The following FBXO3 variants were observed in gnomAD, a reference collection of about 807,000 sequenced individuals.
FBXO3 encodes the protein F-box protein 3, also known as F-box only protein 3.
FBXO3 carries 17 observed loss-of-function variants against 64.8 expected under a neutral mutation model. The ratio of observed to expected loss-of-function variants is 0.26; its 90% CI spans 0.18 to 0.39. The LOEUF (loss-of-function observed/expected upper bound fraction) is 0.39, where lower values mean the gene tolerates loss of function less well. FBXO3 is among the 10% of genes least tolerant of loss of function. The pLI is 1.00. For synonymous variants in FBXO3, 182 were observed against 201.6 expected, an observed-to-expected ratio of 0.90 and a Z score of 0.82; for missense variants, 420 against 589.9, an observed-to-expected ratio of 0.71 and a Z score of 2.98.
chr11:33,750,410 C>T, intron 8 of FBXO3, 129 bp downstream of exon 8: 2 of 1,028,980 alleles, frequency 1.9e-6, no homozygotes, highest in South Asian at 1.7e-5. Context: ...AATGTATCCA[C>T]CTTCCTCCAA....
chr11:33,748,947 G>T, intron 8 of FBXO3, 55 bp from the exon 9 acceptor site: 1 of 1,215,456 alleles, frequency 8.2e-7, no homozygotes, highest in Non-Finnish European at 1.2e-6. Flanking sequence ...TGTTTCTTTG[G>T]TTTAAGAGAT....
chr11:33,771,691 T>A (rs1457328764), intron 1 of FBXO3: 1 of 152,238 alleles, frequency 6.6e-6, no homozygotes, highest in African/African-American at 2.4e-5. Flanking sequence ...AAACCATCTA[T>A]AGTAAACAAA....
At chr11:33,771,845 T>G (rs989374759) in intron 1 of FBXO3, 1 of 152,222 alleles carries the variant, frequency 6.6e-6, no homozygotes, top group Non-Finnish European at 1.5e-5. Flanking sequence ...TCTTCTTGAT[T>G]CCTGTCCCTC....
At chr11:33,749,492 C>CTGGGG (rs1854899794) in intron 8 of FBXO3, among the ~76,000 whole-genome samples, 1 of 151,916 alleles carries the variant, frequency 6.6e-6, no homozygotes, top group Non-Finnish European at 1.5e-5. Context: ...CCTCTAGTAG[C>CTGGGG]TGGGGACTAC....
At chr11:33,757,611 G>T (rs1855134951) in intron 4 of FBXO3, among the ~76,000 whole-genome samples, 1 of 124,526 alleles carries the variant, frequency 8.0e-6, no homozygotes, top group South Asian at 2.8e-4. Flanking sequence ...TTGAGCCCAG[G>T]AGTTAAATAC....
intron 5 of FBXO3, 92 bp downstream of exon 5, chr11:33,755,679 C>A: frequency 1.1e-6 from 1 of 905,256 alleles, no homozygotes; most frequent in South Asian, 1.4e-5. Context: ...TATTCTATAC[C>A]CATTCTACAA....
At chr11:33,758,638 C>A in intron 3 of FBXO3, 37 bp from the exon 4 acceptor site, 1 of 1,451,106 alleles carries the variant, frequency 6.9e-7, no homozygotes, top group Non-Finnish European at 9.5e-7. Flanking sequence ...TGTGAAGAAA[C>A]AGCCTTAAAT....
chr11:33,754,333 A>T, intron 6 of FBXO3, 122 bp downstream of exon 6: 1 of 736,816 alleles, frequency 1.4e-6, no homozygotes, highest in Non-Finnish European at 2.2e-6. Context: ...AGCAAACCTT[A>T]AAGAAATCCA....
chr11:33,758,204 T>C (rs1297182290), intron 4 of FBXO3, among the ~76,000 whole-genome samples: 1 of 152,184 alleles, frequency 6.6e-6, no homozygotes, highest in Non-Finnish European at 1.5e-5. Context: ...GGTTAAAATA[T>C]ATCGCACATA....
At chr11:33,758,268 C>G (rs1006451370) in intron 4 of FBXO3, among the ~76,000 whole-genome samples, 1 of 152,008 alleles carries the variant, frequency 6.6e-6, no homozygotes. Flanking sequence ...TTTAACTATA[C>G]AAATATATTG....
rs1222032779 is a variant in FBXO3, at chr11:33,748,773, A to T, written c.1048+4T>A. ...TGTATAAACCTAAATCTTGGGTTCCATACCAACTACTCCAGGTCCTTGAAC... is the reference window on the plus strand; with the variant it reads ...TGTATAAACCTAAATCTTGGGTTCCTTACCAACTACTCCAGGTCCTTGAAC... On this transcript the variant is annotated splice_donor_region_variant and intron_variant, in intron 9 of 10. Coordinates refer to ENST00000265651, the MANE Select transcript of FBXO3 (RefSeq NM_012175.4). 5 of 1,599,258 alleles carry T rather than the reference A, an allele frequency of 3.1e-6. No individual in the cohort carries two copies. The highest frequency in any genetic ancestry group is 4.3e-6 in the Non-Finnish European group (5 of 1,167,158).
chr11:33,755,406 A>C (rs986672018), intron 5 of FBXO3, among the ~76,000 whole-genome samples: 1 of 152,224 alleles, frequency 6.6e-6, no homozygotes, highest in African/African-American at 2.4e-5. Flanking sequence ...CAAAGTTTTA[A>C]AAGTTTCTAT....
chr11:33,774,418 A>G lies in FBXO3; in HGVS notation c.80T>C (p.Phe27Ser). 1.2e-6 allele frequency: 2 copies of G among 1,606,200 alleles called. No individual in the cohort carries two copies. The highest frequency in any genetic ancestry group is 1.7e-6 in the Non-Finnish European group (2 of 1,176,466). The change falls in exon 1 of 11, where the codon TTT (phenylalanine) becomes TCT (serine). Residue 27 changes from phenylalanine (F) to serine (S), a missense_variant. Around this residue, in one of 3 missense-constraint regions of FBXO3, gnomAD observed 337 missense variants for 518.4 expected, o/e 0.65. Transcript: ENST00000265651. ...PTDPLLLILS[F>S]LDYRDLINCC... ...CTTGATTAGATCCCGATAGTCCAAA[A>G]AGGATAAGATGAGGAGCAGGGGATC...
chr11:33,762,760 C>T (rs1029330286), intron 3 of FBXO3, among the ~76,000 whole-genome samples: 6 of 148,584 alleles, frequency 4.0e-5, no homozygotes, highest in East Asian at 1.9e-4. Context: ...AAATTCAAAG[C>T]GAAGACATCA....
At chr11:33,771,356 G>A (rs1855506064) in intron 1 of FBXO3, 1 of 152,236 alleles carries the variant, frequency 6.6e-6, no homozygotes, top group Admixed American at 6.5e-5. Flanking sequence ...CACCTATAGA[G>A]GGTGCCTGAA....
chr11:33,743,461 C>G lies in FBXO3; in HGVS notation c.1240-1377G>C, dbSNP rs539529356. On this transcript the variant is annotated intron_variant, in intron 10 of 10. Coordinates refer to ENST00000265651, the MANE Select transcript of FBXO3 (RefSeq NM_012175.4). The surrounding 1 kb of genome is among the most constrained non-coding windows in gnomAD (Gnocchi z 4.6). ...AGGGGCTGCTACATTGAACAGAATT[C>G]TGAACAGCAAGGACCTACTTGGTAT... 8 of 152,338 alleles carry G rather than the reference C, an allele frequency of 5.3e-5. No homozygotes were observed. The highest frequency in any genetic ancestry group is 8.8e-5 in the Non-Finnish European group (6 of 68,036). 9.4% of individuals were successfully genotyped at this position (152,338 alleles called of 1,614,324 possible). A position where few individuals can be genotyped will look rare whatever the true frequency, so the allele number is the denominator to read the frequency against.
At chr11:33,756,672 A>T (rs958161710) in intron 4 of FBXO3, among the ~76,000 whole-genome samples, 1 of 152,220 alleles carries the variant, frequency 6.6e-6, no homozygotes, top group Admixed American at 6.5e-5. Flanking sequence ...TTCAATAGGA[A>T]AAAATAGCCA....
intron 10 of FBXO3, 26 bp from the exon 11 acceptor site, chr11:33,742,110 T>A (rs749031942): frequency 2.0e-6 from 3 of 1,511,816 alleles, no homozygotes; most frequent in Admixed American, 2.2e-5. Flanking sequence ...AATCTTTTGA[T>A]AAGAAGAGCA....
intron 3 of FBXO3, among the ~76,000 whole-genome samples, chr11:33,761,745 C>A (rs1035721529): frequency 1.3e-5 from 2 of 152,164 alleles, no homozygotes; most frequent in Non-Finnish European, 2.9e-5. Flanking sequence ...TCTTATGCAT[C>A]GTATGCTTAG....
Sources: allele counts gnomAD v4.1 joint callset (sites outside exome capture counted in the v4.1 genomes callset), GRCh38; gene constraint gnomAD v4.1.1; regional missense constraint gnomAD v4.1.1; non-coding constraint Gnocchi (gnomAD v3.1); transcripts MANE v1.5; gene names NCBI Gene and HGNC (gene_info 2026-07-23, HGNC 2026-07-21).